The following FRAS1 variants were observed in gnomAD, a reference collection of about 807,000 sequenced individuals.
FRAS1 encodes the protein extracellular matrix organizing protein FRAS1.
FRAS1 carries 290 observed loss-of-function variants against 435.2 expected under a neutral mutation model. The ratio of observed to expected loss-of-function variants is 0.67; its 90% CI spans 0.61 to 0.73. The LOEUF (loss-of-function observed/expected upper bound fraction) is 0.73, where lower values mean the gene tolerates loss of function less well. Ranked by LOEUF, FRAS1 falls within the 30% of genes least tolerant of loss-of-function variation. The pLI, the probability that FRAS1 is intolerant of heterozygous loss-of-function variation, is 0.00. For missense variants in FRAS1, 4,860 were observed against 5,001.5 expected, an observed-to-expected ratio of 0.97 and a Z score of 0.85; for synonymous variants, 1,800 against 1,851.0, an observed-to-expected ratio of 0.97 and a Z score of 0.71.
chr4:78,320,496 G>A (rs1729459001), intron 18 of FRAS1, among the ~76,000 whole-genome samples: 1 of 152,102 alleles, frequency 6.6e-6, no homozygotes, highest in Non-Finnish European at 1.5e-5. Context: ...TCTCTTCCGT[G>A]GGTTTAGGTT....
chr4:78,502,940 G>A (rs905319979), intron 61 of FRAS1, among the ~76,000 whole-genome samples: 4 of 152,122 alleles, frequency 2.6e-5, no homozygotes, highest in Admixed American at 2.0e-4. Flanking sequence ...GTTGAATTTT[G>A]TCAAAGGCCT....
chr4:78,159,684 C>T (rs1488202883), intron 2 of FRAS1, among the ~76,000 whole-genome samples: 1 of 152,040 alleles, frequency 6.6e-6, no homozygotes, highest in Non-Finnish European at 1.5e-5. Context: ...AATTCGAGAC[C>T]AGCCTGGCCA....
At chr4:78,480,551 G>A (rs1182063194) in intron 56 of FRAS1, among the ~76,000 whole-genome samples, 1 of 152,120 alleles carries the variant, frequency 6.6e-6, no homozygotes, top group African/African-American at 2.4e-5. Context: ...TATTGAGGAT[G>A]GAAGTGAAGT....
intron 58 of FRAS1, among the ~76,000 whole-genome samples, chr4:78,485,823 C>T (rs907902015): frequency 6.6e-6 from 1 of 152,212 alleles, no homozygotes; most frequent in Admixed American, 6.5e-5. Flanking sequence ...TGACTCTTCA[C>T]ATTTCAGTTT....
intron 10 of FRAS1, among the ~76,000 whole-genome samples, chr4:78,280,387 C>A (rs1727275846): frequency 6.6e-6 from 1 of 152,132 alleles, no homozygotes; most frequent in Admixed American, 6.6e-5. Context: ...CAAGATGGAG[C>A]AGGACAACTT....
intron 20 of FRAS1, among the ~76,000 whole-genome samples, chr4:78,354,720 G>C (rs1020079129): frequency 6.6e-6 from 1 of 152,134 alleles, no homozygotes; most frequent in Admixed American, 6.5e-5. Flanking sequence ...TGGACTGACA[G>C]GACATTATTA....
chr4:78,133,734 G>T (rs995625727), intron 2 of FRAS1, among the ~76,000 whole-genome samples: 3 of 152,112 alleles, frequency 2.0e-5, no homozygotes, highest in Non-Finnish European at 4.4e-5. Context: ...AAAATGACGA[G>T]GCCAACCTAG....
At chr4:78,364,162 T>C in intron 22 of FRAS1, 108 bp downstream of exon 22, 1 of 1,269,394 alleles carries the variant, frequency 7.9e-7, no homozygotes, top group African/African-American at 1.5e-5. Flanking sequence ...TGGTAGCCTT[T>C]ATTTTTATAA....
chr4:78,468,485 A>ACAACATCATCATCATCAT (rs1719602857), intron 50 of FRAS1, among the ~76,000 whole-genome samples: 3 of 150,132 alleles, frequency 2.0e-5, no homozygotes, highest in Non-Finnish European at 4.4e-5. Context: ...GAAGCTGTAA[A>ACAACATCATCATCATCAT]CATCATCATC....
Position 78,499,774 on chromosome 4 carries a change from C to T in FRAS1, c.9169C>T (p.Pro3057Ser), listed in dbSNP as rs1321091735. 2 of 1,613,904 alleles carry T rather than the reference C, an allele frequency of 1.2e-6. No individual in the cohort carries two copies. Among genetic ancestry groups the T allele is most frequent in the East Asian group, 4.5e-5 (2 of 44,870 alleles). Residue 3057 changes from proline to serine, a missense_variant, in exon 61 of 74, where the codon CCA (proline) becomes TCA (serine). Pro to Ser is a moderately conservative substitution (Grantham distance 74, BLOSUM62 -1). Coordinates refer to ENST00000512123, the MANE Select transcript of FRAS1 (RefSeq NM_025074.7). ...AAYQVREPAGPDAIAILNIKV... is the reference protein window; with the variant it reads ...AAYQVREPAGSDAIAILNIKV... ...ATACCAAGTCCGGGAACCCGCAGGCCCAGATGCCATTGCGATTCTGAACAT... is the reference window on the plus strand; with the variant it reads ...ATACCAAGTCCGGGAACCCGCAGGCTCAGATGCCATTGCGATTCTGAACAT...
chr4:78,164,095 T>C (rs1016055264), intron 2 of FRAS1, among the ~76,000 whole-genome samples: 39 of 152,140 alleles, frequency 2.6e-4, no homozygotes, highest in African/African-American at 8.7e-4. Context: ...AGAAGGCAGG[T>C]CAAGTCAGAG....
intron 2 of FRAS1, among the ~76,000 whole-genome samples, chr4:78,210,154 G>T (rs1723441892): frequency 6.6e-6 from 1 of 152,140 alleles, no homozygotes; most frequent in Non-Finnish European, 1.5e-5. Flanking sequence ...TCCTGGAACA[G>T]CTGCTTCTCC....
intron 47 of FRAS1, among the ~76,000 whole-genome samples, chr4:78,453,383 A>T (rs1257698081): frequency 6.6e-6 from 1 of 152,216 alleles, no homozygotes; most frequent in East Asian, 1.9e-4. Context: ...TCCTGTACCT[A>T]GTAAGCATTC....
At chr4:78,154,730 T>A (rs1410877736) in intron 2 of FRAS1, among the ~76,000 whole-genome samples, 4 of 152,238 alleles carry the variant, frequency 2.6e-5, no homozygotes, top group East Asian at 3.9e-4. Flanking sequence ...AGGGAAAAAA[T>A]GCAAAAATAA....
chr4:78,116,232 G>T (rs183922400), intron 2 of FRAS1, among the ~76,000 whole-genome samples: 69 of 152,278 alleles, frequency 4.5e-4, no homozygotes, highest in African/African-American at 1.6e-3. Context: ...CATTTGCCAA[G>T]GAGTGCTTTA....
chr4:78,504,727 T>A (rs997149864), intron 61 of FRAS1, among the ~76,000 whole-genome samples: 29 of 152,232 alleles, frequency 1.9e-4, no homozygotes, highest in Admixed American at 2.6e-4. Flanking sequence ...CATTTACATT[T>A]AAGGTTAATA....
chr4:78,382,087 G>C (rs1732044704), intron 27 of FRAS1, among the ~76,000 whole-genome samples: 1 of 152,134 alleles, frequency 6.6e-6, no homozygotes, highest in African/African-American at 2.4e-5. Context: ...TTTGGGATTA[G>C]AATGCTTCTG....
chr4:78,358,255 T>C (rs547074864), intron 20 of FRAS1, among the ~76,000 whole-genome samples: 1 of 152,182 alleles, frequency 6.6e-6, no homozygotes, highest in Non-Finnish European at 1.5e-5. Flanking sequence ...AAACACAAAG[T>C]AAAACAATGA....
chr4:78,533,726 A>G (rs1560429565), intron 70 of FRAS1, among the ~76,000 whole-genome samples: 1 of 152,236 alleles, frequency 6.6e-6, no homozygotes, highest in Non-Finnish European at 1.5e-5. Context: ...AGGGAAGAGC[A>G]TACTGAGTTT....
Sources: gnomAD v4.1 joint callset for allele counts (sites outside exome capture counted in the v4.1 genomes callset) on GRCh38, gnomAD v4.1.1 for gene constraint, MANE v1.5 for transcripts, NCBI Gene and HGNC (gene_info 2026-07-23, HGNC 2026-07-21) for gene names.